Variants in ASTN2 observed in about 807,000 individuals in gnomAD.
The protein encoded by ASTN2 is astrotactin 2.
In ASTN2, 54 loss-of-function variants were observed where a neutral mutation model predicts 139.8. That is an observed-to-expected ratio of 0.39 (90% CI 0.31 to 0.48). ASTN2 has a LOEUF of 0.48. ASTN2 is among the 20% of genes least tolerant of loss of function. The probability of loss-of-function intolerance (pLI) is 0.95; values close to 1 mark genes in which losing one functional copy is unlikely to be tolerated. For missense variants in ASTN2, 1,565 were observed against 1,725.1 expected (o/e 0.91, Z 1.64); for synonymous variants, 756 against 719.5 (o/e 1.05, Z -0.81).
At chr9:116,478,416 CTT>C (rs1214942138) in intron 20 of ASTN2, among the ~76,000 whole-genome samples, 3 of 152,172 alleles carry the variant, frequency 2.0e-5, no homozygotes. Flanking sequence ...CTCCTGGATT[CTT>C]TCCCTGGTGT....
chr9:117,014,670 A>T (rs1837626289), intron 6 of ASTN2, among the ~76,000 whole-genome samples: 1 of 152,058 alleles, frequency 6.6e-6, no homozygotes, highest in Non-Finnish European at 1.5e-5. Context: ...TCAGAATGTG[A>T]CTGTCCTTGA....
Position 116,425,791 on chromosome 9 carries a change from G to C in ASTN2, c.*60C>G. ...AGCCCACCCAGGCCCCAGGATCCAG[G>C]AGAATACTGCTCCCCCTCCCATGGA... On this transcript the variant is annotated 3_prime_UTR_variant, in exon 23 of 23. Transcript: ENST00000313400. 4 of 1,610,992 alleles carry C rather than the reference G, an allele frequency of 2.5e-6. No homozygotes were observed. Among genetic ancestry groups the C allele is most frequent in the Non-Finnish European group, 1.7e-6 (2 of 1,177,908 alleles).
chr9:116,800,656 T>C (rs1830823109), intron 13 of ASTN2, among the ~76,000 whole-genome samples: 3 of 152,184 alleles, frequency 2.0e-5, no homozygotes, highest in African/African-American at 7.2e-5. Context: ...GGATATAAAG[T>C]AGTTGCATAC....
intron 4 of ASTN2, among the ~76,000 whole-genome samples, chr9:117,121,756 C>G (rs56661714): frequency 0.17 from 25,999 of 152,134 alleles, 2,499 homozygotes; most frequent in Non-Finnish European, 0.22. Flanking sequence ...ATACAGGTTT[C>G]TGCATCTGGG....
rs80312690 is a variant in ASTN2, at chr9:117,251,896, A to C, written c.631-37154T>G. Reference sequence around the variant, plus strand: ...CTGAAGCCTCAGGCAGACTATCAGCACAGGAATTGGGAGCTCACTAAGAGA... The same window carrying C: ...CTGAAGCCTCAGGCAGACTATCAGCCCAGGAATTGGGAGCTCACTAAGAGA... On this transcript the variant is annotated intron_variant, in intron 2 of 22. Coordinates refer to ENST00000313400, the MANE Select transcript of ASTN2 (RefSeq NM_001365068.1). 7.5e-3 allele frequency among the ~76,000 whole-genome samples: 1,141 copies of C among 152,326 alleles called. 23 individuals are homozygous for C. The highest frequency in any genetic ancestry group is 0.027 in the African/African-American group (1,108 of 41,562).
At chr9:117,045,976 GTA>G (rs2132659532) in intron 5 of ASTN2, among the ~76,000 whole-genome samples, 1 of 106,602 alleles carries the variant, frequency 9.4e-6, no homozygotes, top group South Asian at 2.8e-4. Context: ...ATGTATGTAT[GTA>G]TGTACGTACG....
chr9:117,013,085 G>A (rs1019922590), intron 6 of ASTN2, among the ~76,000 whole-genome samples: 2 of 151,778 alleles, frequency 1.3e-5, no homozygotes, highest in Admixed American at 6.6e-5. Flanking sequence ...GGCAAAGCCC[G>A]GCTTCATTTA....
intron 2 of ASTN2, among the ~76,000 whole-genome samples, chr9:117,232,616 T>A (rs1832927296): frequency 6.6e-6 from 1 of 152,202 alleles, no homozygotes; most frequent in South Asian, 2.1e-4. Context: ...CTCCATCTGC[T>A]TTACTCCTTT....
At chr9:116,638,081 A>T (rs1857157996) in intron 17 of ASTN2, among the ~76,000 whole-genome samples, 2 of 152,350 alleles carry the variant, frequency 1.3e-5, no homozygotes, top group South Asian at 4.1e-4. Context: ...AGTAATACAT[A>T]CAGGTTGGCC....
chr9:116,947,781 A>T (rs1464753472), intron 10 of ASTN2, among the ~76,000 whole-genome samples: 1 of 152,232 alleles, frequency 6.6e-6, no homozygotes, highest in African/African-American at 2.4e-5. Context: ...GATAATAACA[A>T]TATAGCCATC....
intron 10 of ASTN2, among the ~76,000 whole-genome samples, chr9:116,967,344 C>A (rs1207774081): frequency 2.0e-5 from 3 of 152,212 alleles, no homozygotes; most frequent in Non-Finnish European, 1.5e-5. Flanking sequence ...AGCAGTTTGG[C>A]TCCAGTATCC....
chr9:117,292,694 G>A (rs2130785530), intron 1 of ASTN2, among the ~76,000 whole-genome samples: 1 of 152,104 alleles, frequency 6.6e-6, no homozygotes, highest in South Asian at 2.1e-4. Flanking sequence ...GACCTCGAGT[G>A]CATTCACACA....
intron 22 of ASTN2, among the ~76,000 whole-genome samples, chr9:116,433,682 G>T (rs1381197147): frequency 6.6e-6 from 1 of 152,080 alleles, no homozygotes; most frequent in Non-Finnish European, 1.5e-5. Flanking sequence ...TGAAGCCATG[G>T]TTTTATGACT....
chr9:116,867,851 CG>C lies in ASTN2; in HGVS notation c.1890-4119del, dbSNP rs770294974. Among the ~76,000 whole-genome samples, 137 of 152,180 alleles carry C rather than the reference CG, an allele frequency of 9.0e-4. 1 individual carries two copies. Among genetic ancestry groups the C allele is most frequent in the Non-Finnish European group, 1.2e-3 (85 of 68,016 alleles). On this transcript the variant is annotated intron_variant, in intron 10 of 22. Coordinates refer to ENST00000313400, the MANE Select transcript of ASTN2 (RefSeq NM_001365068.1). Reference sequence around the variant, plus strand: ...CAGGCTAGGGAATGAAGAATCTGAGCGCAAGACAGGAAAAAAAAGCTTAAAG... The same window carrying C: ...CAGGCTAGGGAATGAAGAATCTGAGCCAAGACAGGAAAAAAAAGCTTAAAG...
At chr9:117,358,748 A>G (rs1829615009) in intron 1 of ASTN2, among the ~76,000 whole-genome samples, 1 of 152,134 alleles carries the variant, frequency 6.6e-6, no homozygotes, top group Non-Finnish European at 1.5e-5. Context: ...AATCTCCTCC[A>G]GTTGCATCCA....
intron 19 of ASTN2, among the ~76,000 whole-genome samples, chr9:116,597,299 A>ATTTTTGTTTTT (rs1554718677): frequency 0.086 from 6,490 of 75,394 alleles, 887 homozygotes; most frequent in East Asian, 0.21. Flanking sequence ...CTTTTGATCT[A>ATTTTTGTTTTT]TTTTTTTTTT....
rs150663183 is a variant in ASTN2 at position 116,892,417 on chromosome 9, C to T, written c.1890-28684G>A. On this transcript the variant is annotated intron_variant, in intron 10 of 22. Coordinates refer to ENST00000313400, the MANE Select transcript of ASTN2 (RefSeq NM_001365068.1). ...TGTAGATGCCAGTCTTATATACCAG[C>T]ATTTACAGTACTGTGGTTTGAGGGC... Among the ~76,000 whole-genome samples, 29 of 151,710 alleles carry T rather than the reference C, an allele frequency of 1.9e-4. 1 individual carries two copies. The highest frequency in any genetic ancestry group is 6.8e-4 in the African/African-American group (28 of 41,290).
chr9:117,190,426 C>T (rs535064572), intron 3 of ASTN2, among the ~76,000 whole-genome samples: 21 of 152,226 alleles, frequency 1.4e-4, no homozygotes, highest in African/African-American at 5.1e-4. Flanking sequence ...ACTCTATGTC[C>T]AAATCACTCC....
intron 6 of ASTN2, among the ~76,000 whole-genome samples, chr9:117,009,397 C>A (rs1453799692): frequency 6.6e-6 from 1 of 152,102 alleles, no homozygotes; most frequent in Non-Finnish European, 1.5e-5. Context: ...CACACATATA[C>A]ATACACACAC....
Sources: gnomAD v4.1 joint callset for allele counts (sites outside exome capture counted in the v4.1 genomes callset) on GRCh38, gnomAD v4.1.1 for gene constraint, MANE v1.5 for transcripts, NCBI Gene and HGNC (gene_info 2026-07-23, HGNC 2026-07-21) for gene names.